Variants in MRAS observed in about 807,000 individuals in gnomAD.
MRAS encodes ras-related protein M-Ras.
A neutral mutation model predicts 20.9 loss-of-function variants in MRAS; 4 were observed. That is an observed-to-expected ratio of 0.19 (90% CI 0.09 to 0.44). MRAS has a LOEUF of 0.44. Among genes scored for constraint, MRAS ranks in the 20% least tolerant of loss-of-function variants. The pLI is 0.99. For missense variants in MRAS, 154 were observed against 277.5 expected (o/e 0.56, Z 3.16); for synonymous variants, 98 against 102.9 (o/e 0.95, Z 0.29).
upstream of MRAS, chr3:138,348,022 G>C (rs1273780825): frequency 2.6e-5 from 4 of 152,206 alleles, no homozygotes; most frequent in Admixed American, 2.6e-4. Context: ...CGCGAGTGTC[G>C]CCTGTCCCCG....
chr3:138,393,492 T>C (rs1325723353), intron 2 of MRAS, among the ~76,000 whole-genome samples: 1 of 152,214 alleles, frequency 6.6e-6, no homozygotes, highest in Non-Finnish European at 1.5e-5. Flanking sequence ...GGTGATATAA[T>C]TTCTAAGACC....
At position 138,402,233 on chromosome 3, in the gene MRAS, C is replaced by T; in HGVS notation, c.591C>T (p.Ala197=). 8 of 1,614,232 alleles carry T rather than the reference C, an allele frequency of 5.0e-6. No homozygotes were observed. The highest frequency in any genetic ancestry group is 6.8e-6 in the Non-Finnish European group (8 of 1,180,036). Residue 197 remains alanine (A), a synonymous_variant, in exon 6 of 6, where the codon GCC becomes GCT. Transcript: ENST00000423968. ...KKKTKWRGDR[A]TGTHKLQCVI... ...AAACCAAATGGCGGGGAGACCGGGC[C>T]ACAGGCACCCACAAACTGCAATGTG...
At chr3:138,362,535 G>C (rs2054470867) in intron 1 of MRAS, among the ~76,000 whole-genome samples, 1 of 152,008 alleles carries the variant, frequency 6.6e-6, no homozygotes, top group African/African-American at 2.4e-5. Flanking sequence ...CATCCACTCT[G>C]TCCTGGGCTT....
chr3:138,394,809 T>C (rs1199505821), intron 2 of MRAS, among the ~76,000 whole-genome samples: 2 of 152,066 alleles, frequency 1.3e-5, no homozygotes, highest in Non-Finnish European at 2.9e-5. Flanking sequence ...CCCCACACTT[T>C]CCTCCAGAAA....
chr3:138,379,011 ATTCT>A (rs1360467864), intron 2 of MRAS, among the ~76,000 whole-genome samples: 3 of 152,138 alleles, frequency 2.0e-5, no homozygotes, highest in Non-Finnish European at 4.4e-5. Flanking sequence ...CACCTCAAAC[ATTCT>A]TTCTTTGTAT....
At chr3:138,360,089 C>T (rs1157132130) in intron 1 of MRAS, among the ~76,000 whole-genome samples, 1 of 152,236 alleles carries the variant, frequency 6.6e-6, no homozygotes, top group Non-Finnish European at 1.5e-5. Flanking sequence ...GGCCCCACTG[C>T]TCCCTGTTGC....
chr3:138,350,495 T>C (rs891326074), intron 1 of MRAS: 8 of 152,266 alleles, frequency 5.3e-5, no homozygotes, highest in African/African-American at 1.9e-4. Context: ...TGGTGGAAAC[T>C]GACCCCCTAG....
intron 2 of MRAS, among the ~76,000 whole-genome samples, chr3:138,382,744 C>T (rs1004683567): frequency 1.3e-5 from 2 of 152,234 alleles, no homozygotes; most frequent in African/African-American, 4.8e-5. Flanking sequence ...CCAGATTTGT[C>T]AGCATCCCAA....
At chr3:138,397,612 G>T in intron 3 of MRAS, 135 bp downstream of exon 3, 3 of 1,051,950 alleles carry the variant, frequency 2.9e-6, no homozygotes, top group Non-Finnish European at 4.0e-6. Flanking sequence ...GCCTTATGTG[G>T]AGTAATTAAA....
intron 2 of MRAS, among the ~76,000 whole-genome samples, chr3:138,395,086 G>A (rs1257258739): frequency 6.6e-6 from 1 of 151,566 alleles, no homozygotes; most frequent in Non-Finnish European, 1.5e-5. Flanking sequence ...TATCACCCAG[G>A]CTGGAGTGCA....
intron 2 of MRAS, among the ~76,000 whole-genome samples, chr3:138,389,326 C>A (rs1439484683): frequency 6.6e-6 from 1 of 151,758 alleles, no homozygotes; most frequent in Non-Finnish European, 1.5e-5. Flanking sequence ...CAGGCTCCCA[C>A]ATTCTGGGAC....
intron 1 of MRAS, among the ~76,000 whole-genome samples, chr3:138,359,095 A>T (rs1576342889): frequency 6.6e-6 from 1 of 152,214 alleles, no homozygotes; most frequent in East Asian, 1.9e-4. Flanking sequence ...CCCCCAGCCA[A>T]TACTGACCTT....
At chr3:138,385,287 G>A (rs1471068923) in intron 2 of MRAS, among the ~76,000 whole-genome samples, 1 of 143,792 alleles carries the variant, frequency 7.0e-6, no homozygotes, top group African/African-American at 2.6e-5. Flanking sequence ...AGTCTCCTCA[G>A]TAGCTGGGAC....
intron 3 of MRAS, 105 bp from the exon 4 acceptor site, chr3:138,398,364 G>A (rs139512269): frequency 2.3e-6 from 2 of 878,046 alleles, no homozygotes; most frequent in Admixed American, 3.7e-5. Context: ...GACTGGGGAG[G>A]TGCTGTGGGC....
intron 1 of MRAS, among the ~76,000 whole-genome samples, chr3:138,354,906 C>G (rs7639809): frequency 0.66 from 99,511 of 151,886 alleles, 32,638 homozygotes; most frequent in Admixed American, 0.76. Context: ...TCAGCCTCCT[C>G]AGTAGCTGAG....
intron 2 of MRAS, among the ~76,000 whole-genome samples, chr3:138,393,568 A>AT (rs1013530496): frequency 1.3e-5 from 2 of 151,858 alleles, no homozygotes; most frequent in Non-Finnish European, 2.9e-5. Flanking sequence ...CTCCCTATTA[A>AT]TTTTTTTTAA....
chr3:138,355,310 A>G (rs1000883483), intron 1 of MRAS, among the ~76,000 whole-genome samples: 1 of 152,204 alleles, frequency 6.6e-6, no homozygotes, highest in Non-Finnish European at 1.5e-5. Flanking sequence ...GACAGGACGC[A>G]GCTTCTCACC....
chr3:138,366,999 G>A (rs1233226325), intron 1 of MRAS, among the ~76,000 whole-genome samples: 1 of 152,220 alleles, frequency 6.6e-6, no homozygotes, highest in African/African-American at 2.4e-5. Flanking sequence ...CTCTGTAGAA[G>A]CCCTAGAACC....
chr3:138,375,306 T>A (rs978601925), intron 2 of MRAS, among the ~76,000 whole-genome samples: 2 of 152,250 alleles, frequency 1.3e-5, no homozygotes, highest in Non-Finnish European at 2.9e-5. Flanking sequence ...ACAATTCTTA[T>A]GTCTGTGTTC....
Sources: gnomAD v4.1 joint callset for allele counts (sites outside exome capture counted in the v4.1 genomes callset) on GRCh38, gnomAD v4.1.1 for gene constraint, MANE v1.5 for transcripts, NCBI Gene and HGNC (gene_info 2026-07-23, HGNC 2026-07-21) for gene names.